NRG1: variants seen among roughly 807,000 people sequenced by gnomAD.
The protein encoded by NRG1 is pro-neuregulin-1, membrane-bound isoform.
NRG1 carries 18 observed loss-of-function variants against 63.8 expected under a neutral mutation model. That is an observed-to-expected ratio of 0.28 (90% confidence interval 0.19 to 0.42). NRG1 has a LOEUF of 0.42. NRG1 is among the 10% of genes least tolerant of loss of function. NRG1 has a pLI of 1.00. For synonymous variants in NRG1, 302 were observed against 301.3 expected (o/e 1.00, Z -0.02); for missense variants, 762 against 814.7 (o/e 0.94, Z 0.79).
At chr8:31,907,328 A>G (rs1832604433) in intron 1 of NRG1, among the ~76,000 whole-genome samples, 2 of 149,114 alleles carry the variant, frequency 1.3e-5, no homozygotes, top group Non-Finnish European at 3.0e-5. Flanking sequence ...ATAAGCCTTC[A>G]GGCAAAGCAG....
intron 1 of NRG1, among the ~76,000 whole-genome samples, chr8:32,383,244 C>T (rs886902110): frequency 1.3e-5 from 2 of 151,984 alleles, no homozygotes; most frequent in Non-Finnish European, 2.9e-5. Context: ...ACAACAAAAA[C>T]TTCAGGTAAA....
chr8:31,805,322 G>A (rs554391786), intron 1 of NRG1, among the ~76,000 whole-genome samples: 1 of 151,880 alleles, frequency 6.6e-6, no homozygotes, highest in Admixed American at 6.6e-5. Context: ...AGTCATTTTA[G>A]AATAGGAGAA....
intron 1 of NRG1, among the ~76,000 whole-genome samples, chr8:32,028,693 A>G (rs1416860622): frequency 6.6e-6 from 1 of 152,216 alleles, no homozygotes; most frequent in Non-Finnish European, 1.5e-5. Flanking sequence ...ATAGATTTTA[A>G]TTAATGATTT....
At chr8:32,584,366 A>G (rs1187022854) in intron 1 of NRG1, among the ~76,000 whole-genome samples, 1 of 152,176 alleles carries the variant, frequency 6.6e-6, no homozygotes, top group East Asian at 1.9e-4. Flanking sequence ...TAAGAATTCA[A>G]TCGTTAGGTT....
chr8:31,842,010 C>A (rs571221892), intron 1 of NRG1, among the ~76,000 whole-genome samples: 2 of 152,314 alleles, frequency 1.3e-5, no homozygotes, highest in East Asian at 3.9e-4. Context: ...TCCTCCTCCC[C>A]ATTCTACTCA....
chr8:32,505,906 C>T (rs556939783), intron 1 of NRG1, among the ~76,000 whole-genome samples: 2 of 152,250 alleles, frequency 1.3e-5, no homozygotes, highest in East Asian at 3.9e-4. Context: ...TGACTGACAG[C>T]GAGCACCTCC....
chr8:31,659,670 T>G (rs1398868158), intron 1 of NRG1, among the ~76,000 whole-genome samples: 1 of 152,156 alleles, frequency 6.6e-6, no homozygotes, highest in Non-Finnish European at 1.5e-5. Flanking sequence ...AGACTCCACT[T>G]TCTTAACTGG....
Position 31,794,862 on chromosome 8 carries a change from G to A in NRG1, c.37+155431G>A, listed in dbSNP as rs117838763. 3.8e-3 allele frequency among the ~76,000 whole-genome samples: 584 copies of A among 152,210 alleles called. 1 individual carries two copies. Among genetic ancestry groups the A allele is most frequent in the Middle Eastern group, 0.021 (6 of 292 alleles). ...CTATCACCCAGGCTGGAGTGCAGCA[G>A]CACAATCTCAGCTCCCTGCAACCTC... is the stretch of plus-strand genomic sequence containing the variant. On this transcript the variant is annotated intron_variant, in intron 1 of 10. Transcript: ENST00000519301.
chr8:32,246,795 C>G (rs375252327), intron 1 of NRG1, among the ~76,000 whole-genome samples: 1 of 151,714 alleles, frequency 6.6e-6, no homozygotes, highest in African/African-American at 2.4e-5. Context: ...GATAGAATGG[C>G]GGTTACAGGG....
chr8:32,362,036 T>G (rs937726170), intron 1 of NRG1, among the ~76,000 whole-genome samples: 1 of 152,174 alleles, frequency 6.6e-6, no homozygotes, highest in Non-Finnish European at 1.5e-5. Context: ...ACTACCCCAG[T>G]GACACCCTCC....
At chr8:32,036,942 C>A (rs577385321) in intron 1 of NRG1, among the ~76,000 whole-genome samples, 2 of 152,302 alleles carry the variant, frequency 1.3e-5, no homozygotes, top group East Asian at 1.9e-4. Context: ...GTCAATTCAT[C>A]CATCTCAGCC....
chr8:31,749,754 TA>T lies in NRG1; in HGVS notation c.37+110324del, dbSNP rs879506269. Among the ~76,000 whole-genome samples, 332 of 151,484 alleles carry T rather than the reference TA, an allele frequency of 2.2e-3. 2 individuals carry two copies. Among genetic ancestry groups the T allele is most frequent in the Middle Eastern group, 3.4e-3 (1 of 292 alleles). On this transcript the variant is annotated intron_variant, in intron 1 of 10. Coordinates refer to the NRG1 transcript ENST00000519301. ...TATATATGATATATATATATATATA[TA>T]TCTTCATAGATGGTGGAATTATAAA... is the stretch of plus-strand genomic sequence containing the variant.
At chr8:32,442,176 T>C (rs1183635609) in intron 1 of NRG1, among the ~76,000 whole-genome samples, 1 of 152,204 alleles carries the variant, frequency 6.6e-6, no homozygotes, top group Non-Finnish European at 1.5e-5. Context: ...CTGCTCCACA[T>C]CTGGTGCAAC....
intron 1 of NRG1, among the ~76,000 whole-genome samples, chr8:32,515,778 T>C (rs1352748832): frequency 1.3e-5 from 2 of 152,160 alleles, no homozygotes; most frequent in African/African-American, 4.8e-5. Flanking sequence ...GTTTTTTGTT[T>C]ATTGATTTAA....
intron 1 of NRG1, among the ~76,000 whole-genome samples, chr8:32,229,184 G>T (rs1222916832): frequency 6.6e-6 from 1 of 152,136 alleles, no homozygotes; most frequent in East Asian, 1.9e-4. Flanking sequence ...AGAATTGGAC[G>T]GCTACTAGCC....
intron 1 of NRG1, among the ~76,000 whole-genome samples, chr8:31,893,083 C>T (rs1306511623): frequency 1.3e-5 from 2 of 151,340 alleles, no homozygotes; most frequent in Non-Finnish European, 3.0e-5. Context: ...AGAGCCTCTT[C>T]TACGTATGAG....
At chr8:32,669,304 G>A (rs1299895532) in intron 5 of NRG1, among the ~76,000 whole-genome samples, 1 of 152,166 alleles carries the variant, frequency 6.6e-6, no homozygotes, top group African/African-American at 2.4e-5. Context: ...CACTCTTGAT[G>A]TATCAGGTGT....
At chr8:32,625,710 G>T (rs1387195219) in intron 5 of NRG1, among the ~76,000 whole-genome samples, 1 of 151,002 alleles carries the variant, frequency 6.6e-6, no homozygotes, top group African/African-American at 2.4e-5. Context: ...GAATGTAGGT[G>T]AATTAAAATT....
chr8:32,535,871 G>A (rs1358175784), intron 1 of NRG1, among the ~76,000 whole-genome samples: 5 of 152,244 alleles, frequency 3.3e-5, no homozygotes, highest in Non-Finnish European at 5.9e-5. Context: ...AAGAAAGTGA[G>A]GTCTGGGAAA....
Sources: allele counts gnomAD v4.1 joint callset (sites outside exome capture counted in the v4.1 genomes callset), GRCh38; gene constraint gnomAD v4.1.1; transcripts MANE v1.5; gene names NCBI Gene and HGNC (gene_info 2026-07-23, HGNC 2026-07-21).